The following CSMD1 variants were observed in gnomAD, a reference collection of about 807,000 sequenced individuals.
CSMD1 encodes the protein CUB and Sushi multiple domains 1, also known as CUB and sushi domain-containing protein 1.
CSMD1 carries 213 observed loss-of-function variants against 417.5 expected under a neutral mutation model. The ratio of observed to expected loss-of-function variants is 0.51; its 90% CI spans 0.46 to 0.57. The LOEUF is 0.57. CSMD1 is among the 20% of genes least tolerant of loss of function. The pLI is 0.00. For synonymous variants in CSMD1, 2,862 were observed against 1,736.8 expected (o/e 1.65, Z -16.11); for missense variants, 6,923 against 4,529.7 (o/e 1.53, Z -15.17).
intron 5 of CSMD1, among the ~76,000 whole-genome samples, chr8:3,908,116 C>T (rs982997073): frequency 3.9e-5 from 6 of 152,006 alleles, no homozygotes; most frequent in African/African-American, 1.5e-4. Flanking sequence ...TTTATGGAGC[C>T]CCTCTGAGAA....
At chr8:4,961,851 T>C (rs1809511889) in intron 1 of CSMD1, among the ~76,000 whole-genome samples, 1 of 151,748 alleles carries the variant, frequency 6.6e-6, no homozygotes, top group Admixed American at 6.6e-5. Flanking sequence ...CACGTCTTGA[T>C]TTCACTTTAA....
At chr8:3,559,677 T>A (rs950480148) in intron 10 of CSMD1, among the ~76,000 whole-genome samples, 1 of 152,198 alleles carries the variant, frequency 6.6e-6, no homozygotes, top group Non-Finnish European at 1.5e-5. Flanking sequence ...CGTATTTGAC[T>A]GTATTATATC....
At chr8:3,516,386 G>C (rs1204989043) in intron 10 of CSMD1, among the ~76,000 whole-genome samples, 1 of 152,240 alleles carries the variant, frequency 6.6e-6, no homozygotes, top group East Asian at 1.9e-4. Flanking sequence ...AAAAATACTG[G>C]GATGTGTCAA....
At chr8:4,472,197 C>T (rs1468287397) in intron 2 of CSMD1, among the ~76,000 whole-genome samples, 1 of 151,968 alleles carries the variant, frequency 6.6e-6, no homozygotes, top group Non-Finnish European at 1.5e-5. Flanking sequence ...TATTTTTTCT[C>T]TTATTTAGGA....
At chr8:3,949,920 G>C (rs1444320893) in intron 5 of CSMD1, 8 of 455,794 alleles carry the variant, frequency 1.8e-5, no homozygotes, top group African/African-American at 6.0e-5. Context: ...CAGGTGTTGA[G>C]GCAGGACGTG....
At chr8:3,301,513 G>T (rs1362052003) in intron 25 of CSMD1, among the ~76,000 whole-genome samples, 2 of 152,142 alleles carry the variant, frequency 1.3e-5, no homozygotes, top group Non-Finnish European at 2.9e-5. Flanking sequence ...TTCTGGATGG[G>T]ATAATAAAAA....
rs564483473 is a variant in CSMD1, at chr8:4,538,196, T to C, written c.302+99146A>G. The stretch of plus-strand genomic sequence containing the variant: ...ATGCAACTGGAGGTGGCTACATTTT[T>C]TTTTTTTTTGCCTGCTATTTACTGC... On this transcript the variant is annotated intron_variant, in intron 2 of 69. Transcript: ENST00000635120. Among the ~76,000 whole-genome samples, 4 of 151,836 alleles carry C rather than the reference T, an allele frequency of 2.6e-5. No individual in the cohort carries two copies. In the South Asian group the frequency reaches 6.3e-4, roughly 24 times the overall value.
intron 1 of CSMD1, among the ~76,000 whole-genome samples, chr8:4,914,739 G>A (rs1047974236): frequency 3.3e-5 from 5 of 152,156 alleles, no homozygotes; most frequent in Non-Finnish European, 5.9e-5. Flanking sequence ...ACACTTAAGA[G>A]GCTAATGTGT....
chr8:4,960,411 C>T (rs564509608), intron 1 of CSMD1, among the ~76,000 whole-genome samples: 1 of 152,302 alleles, frequency 6.6e-6, no homozygotes, highest in South Asian at 2.1e-4. Context: ...CGATCTCACT[C>T]TTCTTTCCCA....
intron 26 of CSMD1, among the ~76,000 whole-genome samples, chr8:3,283,874 C>T (rs1802933377): frequency 1.3e-5 from 2 of 152,210 alleles, no homozygotes; most frequent in Non-Finnish European, 2.9e-5. Context: ...GTCTTCATTT[C>T]TGAAGGTTCC....
chr8:3,951,525 A>G (rs1166233047), intron 5 of CSMD1, among the ~76,000 whole-genome samples: 1 of 152,188 alleles, frequency 6.6e-6, no homozygotes, highest in Non-Finnish European at 1.5e-5. Context: ...GAAATTAACC[A>G]TGTAAATATG....
intron 3 of CSMD1, among the ~76,000 whole-genome samples, chr8:4,053,960 G>A (rs186148881): frequency 7.2e-5 from 11 of 152,132 alleles, no homozygotes; most frequent in Middle Eastern, 6.8e-3. Flanking sequence ...CTTTATTACC[G>A]TGCATTCAAA....
chr8:4,378,933 G>A (rs1020276294), intron 3 of CSMD1, among the ~76,000 whole-genome samples: 1 of 152,140 alleles, frequency 6.6e-6, no homozygotes, highest in African/African-American at 2.4e-5. Flanking sequence ...CTGGAATTGT[G>A]ATAAATTCCT....
At chr8:4,229,431 T>C (rs896126897) in intron 3 of CSMD1, among the ~76,000 whole-genome samples, 2 of 152,226 alleles carry the variant, frequency 1.3e-5, no homozygotes, top group African/African-American at 4.8e-5. Flanking sequence ...TCACTCATTA[T>C]CTTTTCAACA....
At chr8:4,512,922 G>C (rs1802904542) in intron 2 of CSMD1, among the ~76,000 whole-genome samples, 1 of 152,010 alleles carries the variant, frequency 6.6e-6, no homozygotes, top group Non-Finnish European at 1.5e-5. Flanking sequence ...CAGAGTATAT[G>C]ATTCCAACTG....
At chr8:4,203,491 C>G (rs1329773771) in intron 3 of CSMD1, among the ~76,000 whole-genome samples, 2 of 152,114 alleles carry the variant, frequency 1.3e-5, no homozygotes, top group Non-Finnish European at 2.9e-5. Flanking sequence ...CATGTTTATT[C>G]TCGATGAGCA....
rs189158523 is a variant in CSMD1 at position 3,200,548 on chromosome 8, G to C, written c.5099-739C>G. Among the ~76,000 whole-genome samples the C allele has an allele frequency of 1.1e-4, 17 of 151,228 alleles. No individual in the cohort carries two copies. In the East Asian group the frequency reaches 3.3e-3, roughly 30 times the overall value. On this transcript the variant is annotated intron_variant, in intron 32 of 69. Coordinates refer to ENST00000635120, the MANE Select transcript of CSMD1 (RefSeq NM_033225.6). ...CTAGCCTGGGCAAGAGAGTGAGTGA[G>C]ACTTTGTCTCAAAAAAAAATAATAA... is the stretch of plus-strand genomic sequence containing the variant.
chr8:4,157,816 T>C (rs1272345735), intron 3 of CSMD1, among the ~76,000 whole-genome samples: 1 of 152,176 alleles, frequency 6.6e-6, no homozygotes, highest in Non-Finnish European at 1.5e-5. Context: ...GGTCCAGCTT[T>C]AGTCAGTCTC....
intron 41 of CSMD1, among the ~76,000 whole-genome samples, chr8:3,127,005 T>C (rs1817545557): frequency 6.6e-6 from 1 of 152,112 alleles, no homozygotes; most frequent in Non-Finnish European, 1.5e-5. Flanking sequence ...AAGGAGAAGG[T>C]GAGAGTGTTG....
Sources: gnomAD v4.1 joint callset for allele counts (sites outside exome capture counted in the v4.1 genomes callset) on GRCh38, gnomAD v4.1.1 for gene constraint, MANE v1.5 for transcripts, NCBI Gene and HGNC (gene_info 2026-07-23, HGNC 2026-07-21) for gene names.